Variants in HSPB2 observed in about 807,000 individuals in gnomAD.
HSPB2 encodes the protein heat shock protein family B (small) member 2, also known as heat shock protein beta-2.
In HSPB2, 14 loss-of-function variants were observed where a neutral mutation model predicts 14.1. That is an observed-to-expected ratio of 0.99 (90% confidence interval 0.66 to 1.55). The LOEUF (loss-of-function observed/expected upper bound fraction) is 1.55, where lower values mean the gene tolerates loss of function less well. Ranked by LOEUF, HSPB2 falls within the 40% of genes most tolerant of loss-of-function variation. HSPB2 has a pLI of 0.00. For missense variants in HSPB2, 242 were observed against 241.7 expected, an observed-to-expected ratio of 1.00 and a Z score of -0.01; for synonymous variants, 110 against 103.4, an observed-to-expected ratio of 1.06 and a Z score of -0.39.
chr11:111,913,345 GCTCTTCCCAATCC>G, intron 1 of HSPB2, 83 bp from the exon 2 acceptor site: 1 of 953,624 alleles, frequency 1.0e-6, no homozygotes. Flanking sequence ...CTCCCCTCTT[GCTCTTCCCAATCC>G]CTCCTCTCCA....
At position 111,912,749 on chromosome 11, in the gene HSPB2, G is replaced by T; in HGVS notation, c.-81G>T. ...CCGCCCCCACCTCCTATCGAGCCCTGGCTCTCCGGGCAGCTGGAGGGGTCG... is the reference window on the plus strand; with the variant it reads ...CCGCCCCCACCTCCTATCGAGCCCTTGCTCTCCGGGCAGCTGGAGGGGTCG... On this transcript the variant is annotated 5_prime_UTR_variant, in exon 1 of 2. Coordinates refer to ENST00000304298, the MANE Select transcript of HSPB2 (RefSeq NM_001541.4). The T allele has an allele frequency of 1.8e-6, 2 of 1,114,762 alleles. No homozygotes were observed. Among genetic ancestry groups the T allele is most frequent in the Non-Finnish European group, 2.6e-6 (2 of 772,608 alleles). The allele number at this position is 1,114,762 out of a possible 1,614,324, so 69.1% of individuals were successfully genotyped here.
Position 111,913,831 on chromosome 11 carries a change from T to C in HSPB2, c.485T>C (p.Ile162Thr), listed in dbSNP as rs782421371. 5.0e-6 allele frequency: 8 copies of C among 1,613,902 alleles called. No individual in the cohort carries two copies. The African/African-American group carries it at 8.0e-5, about 16-fold the overall frequency. The change falls in exon 2 of 2, where the codon ATC (isoleucine) becomes ACC (threonine). Residue 162 changes from isoleucine (I) to threonine (T), a missense_variant. Transcript: ENST00000304298. Reference protein sequence around the residue: ...HLDTEVNEVYISLLPAPPDPE... With the variant: ...HLDTEVNEVYTSLLPAPPDPE... ...GACACAGAGGTCAATGAGGTCTACA[T>C]CTCCCTGCTCCCTGCGCCTCCTGAT...
chr11:111,913,097 C>T (rs1965522668), intron 1 of HSPB2, 174 bp downstream of exon 1: 1 of 639,540 alleles, frequency 1.6e-6, no homozygotes, highest in Non-Finnish European at 2.9e-6. Flanking sequence ...TTTCCCATTC[C>T]TGCTGACCTC....
Position 111,913,724 on chromosome 11 carries a change from T to C in HSPB2, c.378T>C (p.Asp126=). The change falls in exon 2 of 2, where the codon GAT becomes GAC. Residue 126 remains aspartate, a synonymous_variant. Coordinates refer to ENST00000304298, the MANE Select transcript of HSPB2 (RefSeq NM_001541.4). ...EFCRTYVLPA[D]VDPWRVRAAL... is the part of the protein sequence containing the mutation. ...GCCGCACCTATGTCCTGCCTGCTGA[T>C]GTCGACCCCTGGCGAGTCCGAGCTG... 2 of 1,614,138 alleles carry C rather than the reference T, an allele frequency of 1.2e-6. No individual in the cohort carries two copies. The highest frequency in any genetic ancestry group is 1.7e-5 in the Admixed American group (1 of 60,024).
At chr11:111,913,295 G>C in intron 1 of HSPB2, 146 bp from the exon 2 acceptor site, 1 of 674,616 alleles carries the variant, frequency 1.5e-6, no homozygotes, top group South Asian at 1.7e-5. Flanking sequence ...TCTCCTCCTA[G>C]CTACAGTGTG....
In HSPB2 at chr11:111,913,703, C is replaced by T. The variant is rs782456306; in HGVS notation, c.357C>T (p.Arg119=). ...RHGFVSREFC[R]TYVLPADVDP... ...GCTTCGTGTCCCGAGAGTTCTGCCG[C>T]ACCTATGTCCTGCCTGCTGATGTCG... The change falls in exon 2 of 2, where the codon CGC becomes CGT. Residue 119 remains arginine, a synonymous_variant. Transcript: ENST00000304298. 9.9e-6 allele frequency: 16 copies of T among 1,614,194 alleles called. No individual in the cohort carries two copies. The highest frequency in any genetic ancestry group is 1.2e-5 in the Non-Finnish European group (14 of 1,180,036).
intron 1 of HSPB2, 179 bp from the exon 2 acceptor site, chr11:111,913,262 C>G (rs1033369112): frequency 1.6e-6 from 1 of 644,884 alleles, no homozygotes; most frequent in Non-Finnish European, 2.8e-6. Context: ...TTTCCGTTCT[C>G]TTTCCCCTCT....
At position 111,913,637 on chromosome 11, in the gene HSPB2, G is replaced by C; in HGVS notation, c.291G>C (p.Leu97=). Residue 97 remains leucine, a synonymous_variant, in exon 2 of 2, where the codon CTG becomes CTC. Coordinates refer to ENST00000304298, the MANE Select transcript of HSPB2 (RefSeq NM_001541.4). ...CTGTGAGGACTGTGGATAACCTGCT[G>C]GAGGTGTCTGCCCGGCACCCCCAGC... ...EVTVRTVDNL[L]EVSARHPQRL... 1 of 1,614,160 alleles carries C rather than the reference G, an allele frequency of 6.2e-7. No individual in the cohort carries two copies. The highest frequency in any genetic ancestry group is 8.5e-7 in the Non-Finnish European group (1 of 1,180,036).
At position 111,913,503 on chromosome 11, in the gene HSPB2, G is replaced by A. The variant is rs782682010; in HGVS notation, c.157G>A (p.Ala53Thr). The A allele has an allele frequency of 1.9e-6, 3 of 1,613,636 alleles. No individual in the cohort carries two copies. The highest frequency in any genetic ancestry group is 2.7e-5 in the African/African-American group (2 of 74,926). The change falls in exon 2 of 2, where the codon GCC becomes ACC. Residue 53 changes from alanine to threonine, a missense_variant. Physicochemically the swap from Ala to Thr is moderately conservative, Grantham distance 58. Transcript: ENST00000304298. ...CCATGGCTACTATGTCCGGCCTCGG[G>A]CCGCCCCAGCTGGGGAGGGCAGCAG... ...LYHGYYVRPR[A>T]APAGEGSRAG... is the part of the protein sequence containing the mutation.
Position 111,912,735 on chromosome 11 carries a change from T to A in HSPB2, c.-95T>A. The A allele has an allele frequency of 1.8e-3, 558 of 312,982 alleles. No individual in the cohort carries two copies. Among genetic ancestry groups the A allele is most frequent in the Middle Eastern group, 7.1e-3 (6 of 844 alleles). The allele number at this position is 312,982 out of a possible 1,614,324, so 19.4% of individuals were successfully genotyped here. On this transcript the variant is annotated 5_prime_UTR_variant, in exon 1 of 2. Transcript: ENST00000304298. Reference sequence around the variant, plus strand: ...GGGTGGTGTCGACCCCGCCCCCACCTCCTATCGAGCCCTGGCTCTCCGGGC... The same window carrying A: ...GGGTGGTGTCGACCCCGCCCCCACCACCTATCGAGCCCTGGCTCTCCGGGC...
Position 111,912,809 on chromosome 11 carries a change from G to C in HSPB2, c.-21G>C, listed in dbSNP as rs1965508121. On this transcript the variant is annotated 5_prime_UTR_variant, in exon 1 of 2. Coordinates refer to ENST00000304298, the MANE Select transcript of HSPB2 (RefSeq NM_001541.4). ...TGTTGGGGCTGCACCTCGGACCAGG[G>C]CTTCTGCTGCATCTGCAGCCATGTC... 1 of 1,578,812 alleles carries C rather than the reference G, an allele frequency of 6.3e-7. No homozygotes were observed. Among genetic ancestry groups the C allele is most frequent in the Non-Finnish European group, 8.6e-7 (1 of 1,161,928 alleles).
At position 111,913,683 on chromosome 11, in the gene HSPB2, G is replaced by T; in HGVS notation, c.337G>T (p.Val113Leu). 1 of 1,614,152 alleles carries T rather than the reference G, an allele frequency of 6.2e-7. No individual in the cohort carries two copies. The highest frequency in any genetic ancestry group is 8.5e-7 in the Non-Finnish European group (1 of 1,180,036). The change falls in exon 2 of 2, where the codon GTG becomes TTG. Residue 113 changes from valine (V) to leucine (L), a missense_variant. Val to Leu is a conservative substitution (Grantham distance 32). Coordinates refer to ENST00000304298, the MANE Select transcript of HSPB2 (RefSeq NM_001541.4). Reference protein sequence around the residue: ...HPQRLDRHGFVSREFCRTYVL... With the variant: ...HPQRLDRHGFLSREFCRTYVL... ...CCAGCGCCTGGACCGCCACGGCTTC[G>T]TGTCCCGAGAGTTCTGCCGCACCTA...
chr11:111,913,621 C>T lies in HSPB2; in HGVS notation c.275C>T (p.Thr92Ile). Residue 92 changes from threonine to isoleucine, a missense_variant, in exon 2 of 2, where the codon ACT becomes ATT. Transcript: ENST00000304298. ...ACCCCAGACGAGGTGACTGTGAGGA[C>T]TGTGGATAACCTGCTGGAGGTGTCT... ...HFTPDEVTVR[T>I]VDNLLEVSAR... is the part of the protein sequence containing the mutation. The T allele has an allele frequency of 6.2e-7, 1 of 1,614,204 alleles. No homozygotes were observed.
rs782086590 is a variant in HSPB2 at position 111,913,538 on chromosome 11, C to T, written c.192C>T (p.Ala64=). 4.3e-6 allele frequency: 7 copies of T among 1,614,150 alleles called. No homozygotes were observed. The South Asian group carries it at 4.4e-5, about 10-fold the overall frequency. Residue 64 remains alanine (A), a synonymous_variant, in exon 2 of 2, where the codon GCC becomes GCT. Coordinates refer to ENST00000304298, the MANE Select transcript of HSPB2 (RefSeq NM_001541.4). ...APAGEGSRAG[A]SELRLSEGKF... is the part of the protein sequence containing the mutation. ...CTGGGGAGGGCAGCAGGGCAGGGGC[C>T]TCCGAGCTTAGGCTCAGTGAGGGCA... is the stretch of plus-strand genomic sequence containing the variant.
chr11:111,913,061 C>T (rs1965521410), intron 1 of HSPB2, 138 bp downstream of exon 1: 8 of 661,036 alleles, frequency 1.2e-5, no homozygotes, highest in Middle Eastern at 2.4e-4. Context: ...CCCCAGACTA[C>T]CCCTCATCCC....
In HSPB2 at chr11:111,913,515, G is replaced by T. The variant is rs1462346191; in HGVS notation, c.169G>T (p.Gly57Trp). Residue 57 changes from glycine to tryptophan, a missense_variant, in exon 2 of 2, where the codon GGG (glycine) becomes TGG (tryptophan). Coordinates refer to ENST00000304298, the MANE Select transcript of HSPB2 (RefSeq NM_001541.4). ...YYVRPRAAPA[G>W]EGSRAGASEL... Reference sequence around the variant, plus strand: ...TGTCCGGCCTCGGGCCGCCCCAGCTGGGGAGGGCAGCAGGGCAGGGGCCTC... The same window carrying T: ...TGTCCGGCCTCGGGCCGCCCCAGCTTGGGAGGGCAGCAGGGCAGGGGCCTC... 1.9e-6 allele frequency: 3 copies of T among 1,614,010 alleles called. No homozygotes were observed. The highest frequency in any genetic ancestry group is 1.7e-5 in the Admixed American group (1 of 60,028).
rs782424185 is a variant in HSPB2, at chr11:111,912,859, C to T, written c.30C>T (p.His10=). 6.2e-7 allele frequency: 1 copy of T among 1,608,072 alleles called. No individual in the cohort carries two copies. Residue 10 remains histidine, a synonymous_variant, in exon 1 of 2, where the codon CAC becomes CAT. Transcript: ENST00000304298. MSGRSVPHA[H]PATAEYEFAN... is the part of the protein sequence containing the mutation. Reference sequence around the variant, plus strand: ...CGGGCCGCTCAGTGCCACATGCCCACCCGGCCACCGCCGAGTACGAATTTG... The same window carrying T: ...CGGGCCGCTCAGTGCCACATGCCCATCCGGCCACCGCCGAGTACGAATTTG...
In HSPB2 at chr11:111,912,852, A is replaced by G. The variant is rs782199553; in HGVS notation, c.23A>G (p.His8Arg). The change falls in exon 1 of 2, where the codon CAT becomes CGT. Residue 8 changes from histidine (H) to arginine (R), a missense_variant. Transcript: ENST00000304298. The part of the protein sequence containing the change: MSGRSVP[H>R]AHPATAEYEF... Reference sequence around the variant, plus strand: ...GCCATGTCGGGCCGCTCAGTGCCACATGCCCACCCGGCCACCGCCGAGTAC... The same window carrying G: ...GCCATGTCGGGCCGCTCAGTGCCACGTGCCCACCCGGCCACCGCCGAGTAC... 1.7e-5 allele frequency: 27 copies of G among 1,606,674 alleles called. No individual in the cohort carries two copies. The Admixed American group carries it at 4.4e-4, about 26-fold the overall frequency.
At position 111,912,852 on chromosome 11, in the gene HSPB2, A is replaced by C. The variant is rs782199553; in HGVS notation, c.23A>C (p.His8Pro). 1.2e-6 allele frequency: 2 copies of C among 1,606,782 alleles called. No individual in the cohort carries two copies. Among genetic ancestry groups the C allele is most frequent in the Middle Eastern group, 2.0e-4 (1 of 5,080 alleles). The change falls in exon 1 of 2, where the codon CAT (histidine) becomes CCT (proline). Residue 8 changes from histidine to proline, a missense_variant. Coordinates refer to ENST00000304298, the MANE Select transcript of HSPB2 (RefSeq NM_001541.4). MSGRSVP[H>P]AHPATAEYEF... ...GCCATGTCGGGCCGCTCAGTGCCACATGCCCACCCGGCCACCGCCGAGTAC... is the reference window on the plus strand; with the variant it reads ...GCCATGTCGGGCCGCTCAGTGCCACCTGCCCACCCGGCCACCGCCGAGTAC...
Sources: allele counts gnomAD v4.1 joint callset, GRCh38; gene constraint gnomAD v4.1.1; transcripts MANE v1.5; gene names NCBI Gene and HGNC (gene_info 2026-07-23, HGNC 2026-07-21).